RNPC3: variants seen among roughly 807,000 people sequenced by gnomAD.
The protein encoded by RNPC3 is RNA binding region (RNP1, RRM) containing 3, also known as RNA-binding region-containing protein 3.
In RNPC3, 48 loss-of-function variants were observed where a neutral mutation model predicts 67.5. The observed-to-expected ratio is 0.71, with a 90% CI of 0.56 to 0.90. The LOEUF is 0.90. Ranked by LOEUF, RNPC3 falls within the 40% of genes least tolerant of loss-of-function variation. The probability of loss-of-function intolerance (pLI) is 0.00; values close to 1 mark genes in which losing one functional copy is unlikely to be tolerated. For synonymous variants in RNPC3, 239 were observed against 210.3 expected (o/e 1.14, Z -1.18); for missense variants, 637 against 626.1 (o/e 1.02, Z -0.19).
intron 10 of RNPC3, 122 bp from the exon 11 acceptor site, chr1:103,546,124 ATT>A (rs1651238014): frequency 2.3e-6 from 1 of 436,620 alleles, no homozygotes; most frequent in African/African-American, 2.1e-5. Flanking sequence ...TAAAGTGAAA[ATT>A]TTAACATTTT....
intron 2 of RNPC3, among the ~76,000 whole-genome samples, chr1:103,530,913 G>A (rs563166205): frequency 2.6e-5 from 4 of 152,104 alleles, no homozygotes; most frequent in Non-Finnish European, 5.9e-5. Context: ...TTCTTTAGTC[G>A]TGATTTCTGA....
In RNPC3 at chr1:103,535,426, T is replaced by G. The variant is rs752535497; in HGVS notation, c.540T>G (p.Pro180=). The stretch of plus-strand genomic sequence containing the variant: ...TTGTAAATGCCTTGGCAAGCGTGCC[T>G]AAGTTCTATGTACAGGTAAGTAGAA... ...ANIVNALASV[P]KFYVQVLHLM... The change falls in exon 5 of 15, where the codon CCT becomes CCG. Residue 180 remains proline (P), a synonymous_variant. Transcript: ENST00000423855. 2.2e-5 allele frequency: 33 copies of G among 1,533,748 alleles called. No homozygotes were observed. Among genetic ancestry groups the G allele is most frequent in the Non-Finnish European group, 2.9e-5 (33 of 1,144,134 alleles).
At chr1:103,528,282 A>T (rs1408840551) in intron 2 of RNPC3, among the ~76,000 whole-genome samples, 1 of 152,192 alleles carries the variant, frequency 6.6e-6, no homozygotes, top group Non-Finnish European at 1.5e-5. Context: ...TTGGTTTAGT[A>T]GGTGGACACT....
chr1:103,549,629 T>C (rs1338875671), intron 12 of RNPC3, among the ~76,000 whole-genome samples: 2 of 152,200 alleles, frequency 1.3e-5, no homozygotes, highest in Non-Finnish European at 2.9e-5. Context: ...AATCTGATTT[T>C]TCTAAGTAGC....
In RNPC3 at chr1:103,536,294, T is replaced by G. The variant is rs551856344; in HGVS notation, c.624+100T>G. The G allele has an allele frequency of 2.1e-5, 16 of 776,694 alleles. No individual in the cohort carries two copies. In the African/African-American group the frequency reaches 2.8e-4, roughly 13 times the overall value. The allele number at this position is 776,694 out of a possible 1,614,324, so 48.1% of individuals were successfully genotyped here. A position where few individuals can be genotyped will look rare whatever the true frequency, so the allele number is the denominator to read the frequency against. On this transcript the variant is annotated intron_variant, in intron 6 of 14. Coordinates refer to ENST00000423855, the MANE Select transcript of RNPC3 (RefSeq NM_017619.4). ...TGTTGTAGCAACCTCTGATGTACAT[T>G]GAAAATAAGGAACGGGTATAAAGTA...
At position 103,533,845 on chromosome 1, in the gene RNPC3, A is replaced by G. The variant is rs1352273922; in HGVS notation, c.347A>G (p.Glu116Gly). 6.9e-6 allele frequency: 5 copies of G among 721,374 alleles called. No homozygotes were observed. Among genetic ancestry groups the G allele is most frequent in the Non-Finnish European group, 9.3e-6 (5 of 534,974 alleles). 44.7% of individuals were successfully genotyped at this position (721,374 alleles called of 1,614,324 possible). A position where few individuals can be genotyped will look rare whatever the true frequency, so the allele number is the denominator to read the frequency against. Residue 116 changes from glutamate to glycine, a missense_variant, in exon 3 of 15, where the codon GAA becomes GGA. By Grantham distance (98) the Glu-to-Gly change is moderately conservative. Around this residue, in one of 3 missense-constraint regions of RNPC3, gnomAD observed 536 missense variants for 500.3 expected, o/e 1.07. Transcript: ENST00000423855. ...TCCCCATGTCCCACTTCAGGCTCTGAAAAAAAAAAAAGGTATGTAGATCAG... is the reference window on the plus strand; with the variant it reads ...TCCCCATGTCCCACTTCAGGCTCTGGAAAAAAAAAAAGGTATGTAGATCAG... ...VHSPCPTSGS[E>G]KKKRSDDPVE...
At chr1:103,548,090 C>A (rs369179482) in intron 12 of RNPC3, among the ~76,000 whole-genome samples, 2 of 152,272 alleles carry the variant, frequency 1.3e-5, no homozygotes, top group South Asian at 2.1e-4. Flanking sequence ...GCACAGGGAC[C>A]CTGGGCCCGG....
chr1:103,541,858 A>G (rs1188808271), intron 8 of RNPC3, among the ~76,000 whole-genome samples: 2 of 152,084 alleles, frequency 1.3e-5, no homozygotes, highest in East Asian at 3.8e-4. Flanking sequence ...TGTCACTAAT[A>G]TAAACATCAG....
At chr1:103,547,424 A>C (rs1270501262) in intron 12 of RNPC3, among the ~76,000 whole-genome samples, 1 of 152,116 alleles carries the variant, frequency 6.6e-6, no homozygotes, top group Admixed American at 6.5e-5. Context: ...TGGTTCTCAG[A>C]CTTTAACATT....
rs1557755298 is a variant in RNPC3, at chr1:103,529,683, A to G, written c.240+1941A>G. On this transcript the variant is annotated intron_variant, in intron 2 of 14. Coordinates refer to ENST00000423855, the MANE Select transcript of RNPC3 (RefSeq NM_017619.4). ...AGATAATCAAGGCTTCACTGATAATAAAGAGGTCTAAAGTTCATTTAGGGT... is the reference window on the plus strand; with the variant it reads ...AGATAATCAAGGCTTCACTGATAATGAAGAGGTCTAAAGTTCATTTAGGGT... 2.6e-5 allele frequency among the ~76,000 whole-genome samples: 4 copies of G among 152,206 alleles called. No individual in the cohort carries two copies. In the South Asian group the frequency reaches 8.3e-4, roughly 31 times the overall value.
chr1:103,528,272 TTGGTTTAGTAGG>T (rs1650763463), intron 2 of RNPC3, among the ~76,000 whole-genome samples: 1 of 152,100 alleles, frequency 6.6e-6, no homozygotes, highest in African/African-American at 2.4e-5. Flanking sequence ...GGTATTGAGT[TTGGTTTAGTAGG>T]TGGACACTTG....
In RNPC3 at chr1:103,526,281, G is replaced by C; in HGVS notation, c.192+19G>C. On this transcript the variant is annotated intron_variant, in intron 1 of 14. Coordinates refer to ENST00000423855, the MANE Select transcript of RNPC3 (RefSeq NM_017619.4). ...GCGACTGGTAAGGGCGCGCCCCTCCGGAGTCTCCCGGGAAGGCATTTGGGA... is the reference window on the plus strand; with the variant it reads ...GCGACTGGTAAGGGCGCGCCCCTCCCGAGTCTCCCGGGAAGGCATTTGGGA... 6.6e-7 allele frequency: 1 copy of C among 1,513,272 alleles called. No individual in the cohort carries two copies. The highest frequency in any genetic ancestry group is 1.2e-5 in the South Asian group (1 of 80,878). The allele number at this position is 1,513,272 out of a possible 1,614,324, so 93.7% of individuals were successfully genotyped here. A position where few individuals can be genotyped will look rare whatever the true frequency, so the allele number is the denominator to read the frequency against.
chr1:103,549,174 C>T (rs981598525), intron 12 of RNPC3, among the ~76,000 whole-genome samples: 8 of 152,084 alleles, frequency 5.3e-5, no homozygotes, highest in East Asian at 1.9e-4. Flanking sequence ...TTTACAATAC[C>T]GTATTTGTTA....
At chr1:103,538,165 T>C (rs567657176) in intron 7 of RNPC3, among the ~76,000 whole-genome samples, 2 of 152,266 alleles carry the variant, frequency 1.3e-5, no homozygotes, top group African/African-American at 4.8e-5. Context: ...TTTAAAGTTT[T>C]TTTGTGGAAA....
chr1:103,548,860 G>A (rs750293360), intron 12 of RNPC3, among the ~76,000 whole-genome samples: 4 of 152,142 alleles, frequency 2.6e-5, no homozygotes, highest in African/African-American at 4.8e-5. Context: ...AAAGTTCCAC[G>A]AGGCCAGGGA....
Position 103,527,734 on chromosome 1 carries a change from GC to G in RNPC3, c.233del (p.Ala78ValfsTer2). On this transcript the variant is annotated frameshift_variant, in exon 2 of 15. Coordinates refer to ENST00000423855, the MANE Select transcript of RNPC3 (RefSeq NM_017619.4). LOFTEE classifies it high-confidence loss of function. ...TGCCACATTCCCTAATGAAAAAGCA[GC>G]TATAAAGGTATGACTTTTTCTTGAC... is the stretch of plus-strand genomic sequence containing the variant. ...AFATFPNEKA[A>X]IKALTRLHQL... The G allele has an allele frequency of 1.3e-6, 2 of 1,547,282 alleles. No homozygotes were observed. The highest frequency in any genetic ancestry group is 8.7e-7 in the Non-Finnish European group (1 of 1,143,474).
intron 4 of RNPC3, 59 bp downstream of exon 4, chr1:103,534,916 G>T: frequency 1.0e-6 from 1 of 959,366 alleles, no homozygotes; most frequent in Admixed American, 2.8e-5. Context: ...CAGATGTACA[G>T]ATATCTTACT....
At chr1:103,531,710 A>T (rs1041341549) in intron 2 of RNPC3, among the ~76,000 whole-genome samples, 1 of 151,534 alleles carries the variant, frequency 6.6e-6, no homozygotes, top group Non-Finnish European at 1.5e-5. Context: ...ATTTGTTTGG[A>T]TTCCTTGTAG....
intron 2 of RNPC3, among the ~76,000 whole-genome samples, chr1:103,533,409 A>G (rs1383127279): frequency 6.6e-6 from 1 of 152,108 alleles, no homozygotes; most frequent in Non-Finnish European, 1.5e-5. Flanking sequence ...CATAATTAAA[A>G]ATCACCCTGA....
Sources: gnomAD v4.1 joint callset for allele counts (sites outside exome capture counted in the v4.1 genomes callset) on GRCh38, gnomAD v4.1.1 for gene constraint, gnomAD v4.1.1 regional missense constraint, MANE v1.5 for transcripts, NCBI Gene and HGNC (gene_info 2026-07-23, HGNC 2026-07-21) for gene names.